The following FIBCD1 variants were observed in gnomAD, a reference collection of about 807,000 sequenced individuals.
The protein encoded by FIBCD1 is fibrinogen C domain-containing protein 1.
A neutral mutation model predicts 45.1 loss-of-function variants in FIBCD1; 47 were observed. That is an observed-to-expected ratio of 1.04 (90% CI 0.82 to 1.33). The LOEUF (loss-of-function observed/expected upper bound fraction) is 1.33, where lower values mean the gene tolerates loss of function less well. Ranked by LOEUF, FIBCD1 falls within the 40% of genes most tolerant of loss-of-function variation. FIBCD1 has a pLI of 0.00. For synonymous variants in FIBCD1, 313 were observed against 308.1 expected, an observed-to-expected ratio of 1.02 and a Z score of -0.17; for missense variants, 653 against 682.2, an observed-to-expected ratio of 0.96 and a Z score of 0.48.
At chr9:130,930,141 T>C (rs1173671857) in intron 1 of FIBCD1, 95 bp from the exon 2 acceptor site, 75 of 1,401,352 alleles carry the variant, frequency 5.4e-5, no homozygotes, top group Admixed American at 1.5e-4. Context: ...AGGACCCCCT[T>C]CTTGGGGGGC....
rs374267794 is a variant in FIBCD1 at position 130,905,273 on chromosome 9, C to T, written c.1087G>A (p.Gly363Arg). The change falls in exon 6 of 7, where the codon GGG (glycine) becomes AGG (arginine). Residue 363 changes from glycine (G) to arginine (R), a missense_variant. By Grantham distance (125) the Gly-to-Arg change is moderately radical. Transcript: ENST00000372338. ...GLFSVDPEED[G>R]YPLTVADYSG... ...TAGTCAGCCACGGTGAGCGGGTACC[C>T]GTCTTCCTCAGGGTCCACGGAGAAC... 225 of 1,613,768 alleles carry T rather than the reference C, an allele frequency of 1.4e-4. No homozygotes were observed. Among genetic ancestry groups the T allele is most frequent in the Non-Finnish European group, 1.8e-4 (209 of 1,180,004 alleles).
At chr9:130,909,022 G>A (rs765623689) in intron 5 of FIBCD1, among the ~76,000 whole-genome samples, 1 of 152,034 alleles carries the variant, frequency 6.6e-6, no homozygotes, top group Non-Finnish European at 1.5e-5. Context: ...CCCGGCTGGT[G>A]CCCAGACCTG....
chr9:130,940,034 G>A (rs1588116164), upstream of FIBCD1, among the ~76,000 whole-genome samples: 2 of 151,866 alleles, frequency 1.3e-5, no homozygotes, highest in South Asian at 4.2e-4. Context: ...TCTCCCCAAA[G>A]CTGTTTTCCG....
chr9:130,930,088 G>A (rs773679397), intron 1 of FIBCD1, 42 bp from the exon 2 acceptor site: 33 of 1,478,750 alleles, frequency 2.2e-5, no homozygotes, highest in South Asian at 9.7e-5. Context: ...ACAGACAGAC[G>A]GGAGAGAGAA....
At position 130,923,758 on chromosome 9, in the gene FIBCD1, C is replaced by A; in HGVS notation, c.835G>T (p.Gly279Cys). The change falls in exon 4 of 7, where the codon GGC (glycine) becomes TGC (cysteine). Residue 279 changes from glycine (G) to cysteine (C), a missense_variant. Gly to Cys is a radical substitution (Grantham distance 159). Coordinates refer to ENST00000372338, the MANE Select transcript of FIBCD1 (RefSeq NM_032843.5). Reference protein sequence around the residue: ...FQVYCDMRTDGGGWTVFQRRE... With the variant: ...FQVYCDMRTDCGGWTVFQRRE... ...GGGACACTCACCGTCCAGCCGCCGC[C>A]GTCCGTGCGCATGTCACAGTACACC... is the stretch of plus-strand genomic sequence containing the variant. 6.2e-7 allele frequency: 1 copy of A among 1,612,340 alleles called. No individual in the cohort carries two copies. The highest frequency in any genetic ancestry group is 1.1e-5 in the South Asian group (1 of 91,054).
chr9:130,914,323 C>T (rs1222145088), intron 4 of FIBCD1, among the ~76,000 whole-genome samples: 2 of 152,224 alleles, frequency 1.3e-5, no homozygotes, highest in Admixed American at 1.3e-4. Flanking sequence ...TCAGTGGATA[C>T]GAGGTCACGG....
At chr9:130,940,303 C>T (rs1832601602), upstream of FIBCD1, among the ~76,000 whole-genome samples, 1 of 152,274 alleles carries the variant, frequency 6.6e-6, no homozygotes, top group South Asian at 2.1e-4. Context: ...TCACAAACCA[C>T]CGGCTGTTTG....
intron 1 of FIBCD1, among the ~76,000 whole-genome samples, chr9:130,933,285 C>T (rs1055798480): frequency 3.9e-5 from 6 of 152,206 alleles, no homozygotes; most frequent in Admixed American, 1.3e-4. Context: ...GGGCTCTGGG[C>T]GCTGAGCAGC....
chr9:130,929,479 C>T, intron 2 of FIBCD1, 88 bp downstream of exon 2: 3 of 1,446,924 alleles, frequency 2.1e-6, no homozygotes, highest in Non-Finnish European at 2.7e-6. Context: ...TTAAGTGAGG[C>T]CATGGACATC....
At chr9:130,906,468 G>A (rs1051586245) in intron 5 of FIBCD1, among the ~76,000 whole-genome samples, 3 of 152,190 alleles carry the variant, frequency 2.0e-5, no homozygotes, top group Non-Finnish European at 4.4e-5. Context: ...CCAGTCACCA[G>A]GTCCAGGGAC....
At chr9:130,923,190 C>T (rs1034323478) in intron 4 of FIBCD1, among the ~76,000 whole-genome samples, 5 of 152,212 alleles carry the variant, frequency 3.3e-5, no homozygotes, top group Admixed American at 1.3e-4. Flanking sequence ...TCTGTGGTCC[C>T]GCCCCTGCCC....
rs779974668 is a variant in FIBCD1 at position 130,905,221 on chromosome 9, G to C, written c.1126+13C>G. 1 of 1,607,040 alleles carries C rather than the reference G, an allele frequency of 6.2e-7. No individual in the cohort carries two copies. The highest frequency in any genetic ancestry group is 8.5e-7 in the Non-Finnish European group (1 of 1,175,268). ...GCCCCCCTTCCCCATCCCTGCCACAGCTGGAGCCTCACCTGCAGTGCCGGA... is the reference window on the plus strand; with the variant it reads ...GCCCCCCTTCCCCATCCCTGCCACACCTGGAGCCTCACCTGCAGTGCCGGA... On this transcript the variant is annotated intron_variant, in intron 6 of 6. Coordinates refer to ENST00000372338, the MANE Select transcript of FIBCD1 (RefSeq NM_032843.5).
At chr9:130,934,230 A>T (rs999953561) in intron 1 of FIBCD1, among the ~76,000 whole-genome samples, 1 of 152,074 alleles carries the variant, frequency 6.6e-6, no homozygotes, top group African/African-American at 2.4e-5. Context: ...GGCTCCCAGT[A>T]AGGGCTGAAC....
At chr9:130,905,196 G>A (rs754162401) in intron 6 of FIBCD1, 38 bp downstream of exon 6, 41 of 1,585,068 alleles carry the variant, frequency 2.6e-5, no homozygotes, top group African/African-American at 5.4e-5. Context: ...CTCCCAGGCC[G>A]CCCCCCTTCC....
Position 130,905,338 on chromosome 9 carries a change from C to A in FIBCD1, c.1022G>T (p.Gly341Val). The change falls in exon 6 of 7, where the codon GGC becomes GTC. Residue 341 changes from glycine to valine, a missense_variant. Gly to Val is a moderately radical substitution (Grantham distance 109, BLOSUM62 -3). Transcript: ENST00000372338. Reference protein sequence around the residue: ...LHVDLEDFENGTAYARYGSFG... With the variant: ...LHVDLEDFENVTAYARYGSFG... ...GCTCCCGTAGCGGGCATAGGCCGTG[C>A]CATTCTCAAAGTCCTCCAGGTCCAC... 6.2e-7 allele frequency: 1 copy of A among 1,614,008 alleles called. No individual in the cohort carries two copies. The highest frequency in any genetic ancestry group is 8.5e-7 in the Non-Finnish European group (1 of 1,179,970).
At chr9:130,929,167 G>C (rs1189677271) in intron 2 of FIBCD1, among the ~76,000 whole-genome samples, 1 of 152,136 alleles carries the variant, frequency 6.6e-6, no homozygotes, top group Non-Finnish European at 1.5e-5. Flanking sequence ...GGGTAGCACT[G>C]ATCAGCCACA....
intron 4 of FIBCD1, among the ~76,000 whole-genome samples, chr9:130,914,466 G>A (rs1174767935): frequency 6.6e-6 from 1 of 152,234 alleles, no homozygotes; most frequent in African/African-American, 2.4e-5. Context: ...TGGCCCTGGA[G>A]GAGGGGCAGG....
intron 4 of FIBCD1, among the ~76,000 whole-genome samples, chr9:130,918,242 G>A (rs1249246708): frequency 6.6e-6 from 1 of 152,398 alleles, no homozygotes; most frequent in East Asian, 1.9e-4. Context: ...CTGAGAAGGA[G>A]TGAGTCCCTC....
At chr9:130,908,508 C>T (rs1831975901) in intron 5 of FIBCD1, among the ~76,000 whole-genome samples, 1 of 152,200 alleles carries the variant, frequency 6.6e-6, no homozygotes, top group African/African-American at 2.4e-5. Flanking sequence ...CTCCTTCCAC[C>T]CACCAGGTTC....
Sources: allele counts gnomAD v4.1 joint callset (sites outside exome capture counted in the v4.1 genomes callset), GRCh38; gene constraint gnomAD v4.1.1; transcripts MANE v1.5; gene names NCBI Gene and HGNC (gene_info 2026-07-23, HGNC 2026-07-21).